Variants in GREB1L observed in about 807,000 individuals in gnomAD.
GREB1L encodes the protein GREB1 like retinoic acid receptor coactivator.
Under a neutral mutation model 200.8 loss-of-function variants are expected in GREB1L, and 17 were observed. The observed-to-expected ratio is 0.08, with a 90% CI of 0.06 to 0.13. GREB1L has a LOEUF of 0.13. Ranked by LOEUF, GREB1L falls within the 10% of genes least tolerant of loss-of-function variation. The probability of loss-of-function intolerance (pLI) is 1.00; values close to 1 mark genes in which losing one functional copy is unlikely to be tolerated. For synonymous variants in GREB1L, 789 were observed against 893.0 expected, an observed-to-expected ratio of 0.88 and a Z score of 2.08; for missense variants, 1,657 against 2,367.7, an observed-to-expected ratio of 0.70 and a Z score of 6.23.
intron 4 of GREB1L, among the ~76,000 whole-genome samples, chr18:21,388,146 C>A (rs939235453): frequency 3.9e-5 from 6 of 152,134 alleles, no homozygotes; most frequent in African/African-American, 1.4e-4. Context: ...GGACCCTGTT[C>A]CTAGACACAG....
chr18:21,471,497 G>A (rs1268650108), intron 15 of GREB1L, among the ~76,000 whole-genome samples: 1 of 152,156 alleles, frequency 6.6e-6, no homozygotes, highest in African/African-American at 2.4e-5. Flanking sequence ...AACTCCATGA[G>A]ATTTAGATCT....
intron 1 of GREB1L, among the ~76,000 whole-genome samples, chr18:21,242,828 C>G (rs2037524207): frequency 6.6e-6 from 1 of 152,074 alleles, no homozygotes; most frequent in African/African-American, 2.4e-5. Context: ...GGTTCGTCTC[C>G]CCGAGCCCAG....
chr18:21,268,568 T>C (rs138376050), intron 1 of GREB1L, among the ~76,000 whole-genome samples: 4,927 of 96,662 alleles, frequency 0.051, 124 homozygotes, highest in Non-Finnish European at 0.075. Context: ...CACATATATA[T>C]ATATATATAT....
intron 7 of GREB1L, among the ~76,000 whole-genome samples, chr18:21,436,194 C>A (rs1030775183): frequency 1.3e-5 from 2 of 152,118 alleles, no homozygotes; most frequent in Middle Eastern, 3.2e-3. Context: ...TATAAGACAT[C>A]CATGTGGAGC....
At chr18:21,444,521 G>A (rs774523890) in intron 11 of GREB1L, 112 bp downstream of exon 11, 4 of 865,062 alleles carry the variant, frequency 4.6e-6, no homozygotes, top group Non-Finnish European at 5.3e-6. Flanking sequence ...TCCCTCTTTC[G>A]CTTCTAATGT....
chr18:21,379,142 A>G (rs947525810), intron 2 of GREB1L, among the ~76,000 whole-genome samples: 3 of 152,230 alleles, frequency 2.0e-5, no homozygotes, highest in Admixed American at 2.0e-4. Flanking sequence ...GTGATCCTCC[A>G]TGTATAACTG....
intron 31 of GREB1L, among the ~76,000 whole-genome samples, chr18:21,518,989 C>G (rs1218648013): frequency 6.6e-6 from 1 of 152,060 alleles, no homozygotes; most frequent in Non-Finnish European, 1.5e-5. Flanking sequence ...TTGAAAAAAA[C>G]ACACATATCC....
chr18:21,399,469 A>ATGGATGGG (rs2041223172), intron 5 of GREB1L, among the ~76,000 whole-genome samples: 4 of 151,264 alleles, frequency 2.6e-5, no homozygotes, highest in Admixed American at 6.6e-5. Context: ...GGATGGATGG[A>ATGGATGGG]TGGATGGATG....
chr18:21,525,436 T>G lies in GREB1L; in HGVS notation c.*2615T>G, dbSNP rs1012443172. 2 of 152,304 alleles carry G rather than the reference T, an allele frequency of 1.3e-5. No homozygotes were observed. The highest frequency in any genetic ancestry group is 3.9e-4 in the East Asian group (2 of 5,190). The allele number at this position is 152,304 out of a possible 1,614,324, so 9.4% of individuals were successfully genotyped here. ...CCCCCTCCAAAAAGTTATTTTTTCT[T>G]TATAGTTTTCTGGCATGTTTGTTAA... On this transcript the variant is annotated 3_prime_UTR_variant, in exon 33 of 33. Transcript: ENST00000424526.
chr18:21,261,302 A>G (rs572115473), intron 1 of GREB1L, among the ~76,000 whole-genome samples: 2 of 152,170 alleles, frequency 1.3e-5, no homozygotes, highest in South Asian at 2.1e-4. Context: ...CTTGAGGACA[A>G]GTTTTTAAGG....
At chr18:21,284,356 C>T (rs1233655204) in intron 1 of GREB1L, among the ~76,000 whole-genome samples, 4 of 152,158 alleles carry the variant, frequency 2.6e-5, no homozygotes, top group Admixed American at 2.0e-4. Context: ...TCCCCTAGTC[C>T]TAGAGAATCA....
intron 1 of GREB1L, among the ~76,000 whole-genome samples, chr18:21,340,678 G>A (rs2039256669): frequency 6.6e-6 from 1 of 151,846 alleles, no homozygotes; most frequent in Non-Finnish European, 1.5e-5. Context: ...GAGTAGCTGG[G>A]ATTACAGGCG....
chr18:21,272,138 T>C (rs2038089014), intron 1 of GREB1L, among the ~76,000 whole-genome samples: 1 of 152,214 alleles, frequency 6.6e-6, no homozygotes, highest in Non-Finnish European at 1.5e-5. Flanking sequence ...AAAATTCCAC[T>C]GGCTTAATTA....
In GREB1L at chr18:21,366,005, T is replaced by G. The variant is rs1312300206; in HGVS notation, c.-119-22T>G. The G allele has an allele frequency of 2.0e-5, 3 of 152,254 alleles. No individual in the cohort carries two copies. The East Asian group carries it at 5.8e-4, about 29-fold the overall frequency. 9.4% of individuals were successfully genotyped at this position (152,254 alleles called of 1,614,324 possible). A position where few individuals can be genotyped will look rare whatever the true frequency, so the allele number is the denominator to read the frequency against. On this transcript the variant is annotated intron_variant, in intron 1 of 32. Transcript: ENST00000424526. ...TAACTCATGTCTTTATGTATATATT[T>G]TTATTTTTTATGTTTTTGCAGGTGC...
chr18:21,336,341 T>C (rs1026628305), intron 1 of GREB1L, among the ~76,000 whole-genome samples: 3 of 152,200 alleles, frequency 2.0e-5, no homozygotes, highest in Non-Finnish European at 2.9e-5. Context: ...GTTCACATGC[T>C]CCCTTTGCTG....
intron 7 of GREB1L, among the ~76,000 whole-genome samples, chr18:21,405,805 G>GA (rs544983179): frequency 1.3e-5 from 2 of 151,156 alleles, no homozygotes; most frequent in South Asian, 2.1e-4. Flanking sequence ...TGTCGCAAAA[G>GA]AAAAAAAACT....
At chr18:21,385,538 G>A (rs773277349) in intron 4 of GREB1L, among the ~76,000 whole-genome samples, 25 of 152,124 alleles carry the variant, frequency 1.6e-4, no homozygotes, top group South Asian at 4.2e-4. Flanking sequence ...TGCCTGTAGC[G>A]CATTATTCCT....
At chr18:21,253,350 T>C (rs1014803752) in intron 1 of GREB1L, among the ~76,000 whole-genome samples, 2 of 151,554 alleles carry the variant, frequency 1.3e-5, no homozygotes, top group African/African-American at 4.9e-5. Context: ...CCTACCGGGT[T>C]CAAGTGATTC....
chr18:21,431,167 G>A (rs774740013), intron 7 of GREB1L, among the ~76,000 whole-genome samples: 62 of 151,846 alleles, frequency 4.1e-4, no homozygotes, highest in Middle Eastern at 3.4e-3. Context: ...GATTACAGGC[G>A]CCCACCACCA....
Sources: gnomAD v4.1 joint callset for allele counts (sites outside exome capture counted in the v4.1 genomes callset) on GRCh38, gnomAD v4.1.1 for gene constraint, MANE v1.5 for transcripts, NCBI Gene and HGNC (gene_info 2026-07-23, HGNC 2026-07-21) for gene names.